ITGAD: variants seen among roughly 807,000 people sequenced by gnomAD.
ITGAD encodes integrin alpha-D.
Under a neutral mutation model 139.0 loss-of-function variants are expected in ITGAD, and 105 were observed. That is an observed-to-expected ratio of 0.76 (90% CI 0.65 to 0.89). ITGAD has a LOEUF of 0.89. ITGAD is among the 40% of genes least tolerant of loss of function. The probability of loss-of-function intolerance (pLI) is 0.00; values close to 1 mark genes in which losing one functional copy is unlikely to be tolerated. For synonymous variants in ITGAD, 569 were observed against 598.3 expected (o/e 0.95, Z 0.71); for missense variants, 1,384 against 1,487.3 (o/e 0.93, Z 1.14).
At chr16:31,419,442 C>T (rs1183066525) in intron 23 of ITGAD, among the ~76,000 whole-genome samples, 1 of 152,160 alleles carries the variant, frequency 6.6e-6, no homozygotes. Context: ...TAGGCTATAC[C>T]ATATCACCTA....
At chr16:31,393,903 G>T (rs2081199195) in intron 1 of ITGAD, among the ~76,000 whole-genome samples, 1 of 152,106 alleles carries the variant, frequency 6.6e-6, no homozygotes, top group Non-Finnish European at 1.5e-5. Flanking sequence ...GGCCGAGATG[G>T]GCGTATCCCC....
At chr16:31,398,483 A>G (rs1289617028) in intron 5 of ITGAD, among the ~76,000 whole-genome samples, 2 of 149,514 alleles carry the variant, frequency 1.3e-5, no homozygotes, top group African/African-American at 2.5e-5. Context: ...GCACCACCAC[A>G]CCCTGCTAAT....
chr16:31,407,412 G>C (rs1054897070), intron 7 of ITGAD, 103 bp from the exon 8 acceptor site: 1 of 1,086,400 alleles, frequency 9.2e-7, no homozygotes, highest in African/African-American at 1.6e-5. Context: ...AGAATGTGAG[G>C]GTGCCAGGAC....
At position 31,403,687 on chromosome 16, in the gene ITGAD, C is replaced by T; in HGVS notation, c.704+42C>T. ...CCAGCCTGGCGATGTGACTGCCACC[C>T]CCACTTCCTAACCCTGGGTCAGCAC... On this transcript the variant is annotated intron_variant, in intron 7 of 29. Coordinates refer to ENST00000389202, the MANE Select transcript of ITGAD (RefSeq NM_005353.3). This position sits in a 1 kb window ranked among gnomAD's most constrained non-coding sequence, Gnocchi z 4.4. 6.2e-7 allele frequency: 1 copy of T among 1,611,530 alleles called. No individual in the cohort carries two copies. The highest frequency in any genetic ancestry group is 8.5e-7 in the Non-Finnish European group (1 of 1,178,164).
chr16:31,421,927 A>G (rs1201630862), intron 23 of ITGAD, among the ~76,000 whole-genome samples: 2 of 151,916 alleles, frequency 1.3e-5, no homozygotes, highest in African/African-American at 4.8e-5. Flanking sequence ...TGGTCTGCTT[A>G]CTTTTGCTTT....
chr16:31,416,772 C>T lies in ITGAD; in HGVS notation c.2499+126C>T, dbSNP rs2081899271. The stretch of plus-strand genomic sequence containing the variant: ...GCTCTCTCTCTCTCTCTCACACACA[C>T]ACACATACACACAGAGAAAGTGCAT... On this transcript the variant is annotated intron_variant, in intron 20 of 29. Coordinates refer to ENST00000389202, the MANE Select transcript of ITGAD (RefSeq NM_005353.3). 9.6e-6 allele frequency: 8 copies of T among 829,526 alleles called. No individual in the cohort carries two copies. The Admixed American group carries it at 2.3e-4, about 24-fold the overall frequency. The allele number at this position is 829,526 out of a possible 1,614,324, so 51.4% of individuals were successfully genotyped here.
rs977574966 is a variant in ITGAD, at chr16:31,393,340, C to T, written c.-21C>T. On this transcript the variant is annotated 5_prime_UTR_variant, in exon 1 of 30. Transcript: ENST00000389202. ...TGCTCTGTCCCCAACCTTCCACTTC[C>T]CCTCAACGCGCTGCTCAGGGATGAC... 2.5e-6 allele frequency: 4 copies of T among 1,613,990 alleles called. No individual in the cohort carries two copies. Among genetic ancestry groups the T allele is most frequent in the Admixed American group, 1.7e-5 (1 of 59,994 alleles).
Position 31,394,260 on chromosome 16 carries a change from A to G in ITGAD, c.56A>G (p.Asn19Ser). The G allele has an allele frequency of 1.9e-6, 3 of 1,613,742 alleles. No homozygotes were observed. The highest frequency in any genetic ancestry group is 1.1e-5 in the South Asian group (1 of 91,058). Residue 19 changes from asparagine to serine, a missense_variant, in exon 2 of 30, where the codon AAC becomes AGC. Physicochemically the swap from Asn to Ser is conservative, Grantham distance 46 (BLOSUM62 1). Transcript: ENST00000389202. ...GTCCTGGCTTCTTATCATGGATTCA[A>G]CCTGGATGTGGAGGAGCCTACGATC... ...LSVLASYHGF[N>S]LDVEEPTIFQ... is the part of the protein sequence containing the mutation.
rs1306778257 is a variant in ITGAD, at chr16:31,425,649, C to G, written c.3373-366C>G. Among the ~76,000 whole-genome samples the G allele has an allele frequency of 3.9e-5, 6 of 152,000 alleles. No individual in the cohort carries two copies. The East Asian group carries it at 1.2e-3, about 29-fold the overall frequency. On this transcript the variant is annotated intron_variant, in intron 29 of 29. Coordinates refer to ENST00000389202, the MANE Select transcript of ITGAD (RefSeq NM_005353.3). ...TTTTCTTCCCTGCCCTCTTACCCAG[C>G]TTTTCTTTCTTTTCTTTCTCTTTTC... is the stretch of plus-strand genomic sequence containing the variant.
Position 31,413,259 on chromosome 16 carries a change from C to A in ITGAD, c.1996+13C>A, listed in dbSNP as rs200247749. The stretch of plus-strand genomic sequence containing the variant: ...CTGGACCAGCTAGGTGTGTTTCCCC[C>A]ATAAAGGGGGCCCAGGCCCCTCATT... On this transcript the variant is annotated intron_variant, in intron 16 of 29. Transcript: ENST00000389202. 175 of 1,613,266 alleles carry A rather than the reference C, an allele frequency of 1.1e-4. No individual in the cohort carries two copies. Among genetic ancestry groups the A allele is most frequent in the Middle Eastern group, 3.3e-4 (2 of 6,056 alleles).
Position 31,403,787 on chromosome 16 carries a change from C to A in ITGAD, c.704+142C>A. The A allele has an allele frequency of 6.5e-6, 7 of 1,072,858 alleles. No homozygotes were observed. Among genetic ancestry groups the A allele is most frequent in the Non-Finnish European group, 9.3e-6 (7 of 749,538 alleles). The allele number at this position is 1,072,858 out of a possible 1,614,324, so 66.5% of individuals were successfully genotyped here. ...GGCATGTCGGGGCTGCAGGGAGAAC[C>A]TCCCCCCGGGGTGCTCCTGGTTGCC... On this transcript the variant is annotated intron_variant, in intron 7 of 29. Coordinates refer to ENST00000389202, the MANE Select transcript of ITGAD (RefSeq NM_005353.3). This position sits in a 1 kb window ranked among gnomAD's most constrained non-coding sequence, Gnocchi z 4.4.
chr16:31,423,505 A>AC (rs1279031068), intron 25 of ITGAD, 46 bp downstream of exon 25: 1 of 1,602,322 alleles, frequency 6.2e-7, no homozygotes. Context: ...ATCCCACAGC[A>AC]CAGCACTCCC....
At chr16:31,415,268 T>C (rs1413926722) in intron 18 of ITGAD, among the ~76,000 whole-genome samples, 1 of 152,068 alleles carries the variant, frequency 6.6e-6, no homozygotes, top group African/African-American at 2.4e-5. Flanking sequence ...CCCATATCTA[T>C]TGTTGTATCC....
chr16:31,418,266 C>T (rs1567350093), intron 21 of ITGAD, 35 bp from the exon 22 acceptor site: 3 of 1,609,952 alleles, frequency 1.9e-6, no homozygotes, highest in Non-Finnish European at 1.7e-6. Flanking sequence ...CATGCCCTTC[C>T]TTTTATCCCC....
Position 31,403,893 on chromosome 16 carries a change from C to T in ITGAD, c.704+248C>T. ...TTGCCTGGTTCTGCAGAGCCTGGAC[C>T]CCAGGACCCCTCCCCACCCCACAGC... is the stretch of plus-strand genomic sequence containing the variant. On this transcript the variant is annotated intron_variant, in intron 7 of 29. Transcript: ENST00000389202. This position sits in a 1 kb window ranked among gnomAD's most constrained non-coding sequence, Gnocchi z 4.4. The T allele has an allele frequency of 6.0e-6, 3 of 496,982 alleles. No homozygotes were observed. The highest frequency in any genetic ancestry group is 1.1e-5 in the Non-Finnish European group (3 of 275,226). 30.8% of individuals were successfully genotyped at this position (496,982 alleles called of 1,614,324 possible). A position where few individuals can be genotyped will look rare whatever the true frequency, so the allele number is the denominator to read the frequency against.
At chr16:31,405,119 G>A (rs1196624310) in intron 7 of ITGAD, among the ~76,000 whole-genome samples, 1 of 152,062 alleles carries the variant, frequency 6.6e-6, no homozygotes, top group Non-Finnish European at 1.5e-5. Flanking sequence ...CTGAGTAGCT[G>A]GGACTACAGG....
At chr16:31,413,310 G>C (rs2081788131) in intron 16 of ITGAD, 64 bp downstream of exon 16, 2 of 1,530,766 alleles carry the variant, frequency 1.3e-6, no homozygotes, top group Non-Finnish European at 1.8e-6. Flanking sequence ...ATGCCATCCT[G>C]AGGATGGGAT....
rs760353660 is a variant in ITGAD at position 31,407,533 on chromosome 16, T to C, written c.723T>C (p.His241=). ...CCGACAGGACACAGCTATTTCATCA[T>C]AAGAATGGGGCCCGAAAAAGTGCCA... ...ILTVVTQLFH[H]KNGARKSAKK... Residue 241 remains histidine (H), a synonymous_variant, in exon 8 of 30, where the codon CAT becomes CAC. Transcript: ENST00000389202. The C allele has an allele frequency of 1.3e-6, 2 of 1,598,102 alleles. No homozygotes were observed. The highest frequency in any genetic ancestry group is 1.3e-5 in the African/African-American group (1 of 74,562).
intron 29 of ITGAD, among the ~76,000 whole-genome samples, chr16:31,425,400 T>C (rs975169589): frequency 1.3e-5 from 2 of 152,124 alleles, no homozygotes; most frequent in African/African-American, 4.8e-5. Context: ...ATAATAATGC[T>C]TATATCACAG....
Sources: allele counts gnomAD v4.1 joint callset (sites outside exome capture counted in the v4.1 genomes callset), GRCh38; gene constraint gnomAD v4.1.1; non-coding constraint Gnocchi (gnomAD v3.1); transcripts MANE v1.5; gene names NCBI Gene and HGNC (gene_info 2026-07-23, HGNC 2026-07-21).